Variants in ASF1B observed in about 807,000 individuals in gnomAD.
ASF1B encodes histone chaperone ASF1B.
ASF1B carries 10 observed loss-of-function variants against 16.6 expected under a neutral mutation model. The ratio of observed to expected loss-of-function variants is 0.60; its 90% CI spans 0.37 to 1.02. The LOEUF (loss-of-function observed/expected upper bound fraction) is 1.02. Ranked by LOEUF, ASF1B falls within the 50% of genes least tolerant of loss-of-function variation. ASF1B has a pLI of 0.01. For missense variants in ASF1B, 240 were observed against 266.0 expected (o/e 0.90, Z 0.68); for synonymous variants, 101 against 106.2 (o/e 0.95, Z 0.30).
intron 1 of ASF1B, among the ~76,000 whole-genome samples, chr19:14,130,223 T>C (rs1291866475): frequency 6.6e-6 from 1 of 151,752 alleles, no homozygotes; most frequent in Non-Finnish European, 1.5e-5. Context: ...CACGCCCGGC[T>C]AATTTTTTTT....
At chr19:14,121,991 T>C (rs1350809515) in intron 2 of ASF1B, among the ~76,000 whole-genome samples, 1 of 150,946 alleles carries the variant, frequency 6.6e-6, no homozygotes, top group Non-Finnish European at 1.5e-5. Flanking sequence ...AGTGCAATGG[T>C]GCGATCTCGG....
rs754895590 is a variant in ASF1B, at chr19:14,126,159, C to G, written c.188G>C (p.Gly63Ala). 6.2e-7 allele frequency: 1 copy of G among 1,610,250 alleles called. No individual in the cohort carries two copies. The highest frequency in any genetic ancestry group is 1.1e-5 in the South Asian group (1 of 90,078). Reference protein sequence around the residue: ...FDQILDSVLVGPVPAGRHMFV... With the variant: ...FDQILDSVLVAPVPAGRHMFV... ...CATGTGTCTCCCTGCTGGCACAGGG[C>G]CCACCAGCACCGAGTCTAGGATCTG... is the stretch of plus-strand genomic sequence containing the variant. The change falls in exon 2 of 4, where the codon GGC becomes GCC. Residue 63 changes from glycine to alanine, a missense_variant. Gly to Ala is a moderately conservative substitution (Grantham distance 60). Transcript: ENST00000263382.
At chr19:14,127,878 T>TCC (rs936303179) in intron 1 of ASF1B, among the ~76,000 whole-genome samples, 2 of 152,162 alleles carry the variant, frequency 1.3e-5, no homozygotes, top group Non-Finnish European at 2.9e-5. Context: ...CCTCAGGTCA[T>TCC]CCATCCGCCT....
chr19:14,126,524 T>A (rs565554304), intron 1 of ASF1B, among the ~76,000 whole-genome samples: 191 of 152,140 alleles, frequency 1.3e-3, no homozygotes, highest in Non-Finnish European at 2.0e-3. Context: ...CAGGTTGGAG[T>A]ACAATGGTGT....
rs1967316101 is a variant in ASF1B at position 14,126,231 on chromosome 19, T to C, written c.116A>G (p.Glu39Gly). ...CGAGCCAACATAAATGATCTTCCAC[T>C]CCAGGTCTGCAAAGATATAGGAGGG... ...ECSEALADDLEWKIIYVGSAE... is the reference protein window; with the variant it reads ...ECSEALADDLGWKIIYVGSAE... The change falls in exon 2 of 4, where the codon GAG becomes GGG. Residue 39 changes from glutamate (E) to glycine (G), a missense_variant. Transcript: ENST00000263382. 3 of 1,610,874 alleles carry C rather than the reference T, an allele frequency of 1.9e-6. No homozygotes were observed. The highest frequency in any genetic ancestry group is 2.5e-6 in the Non-Finnish European group (3 of 1,179,078).
chr19:14,130,562 T>C (rs921507570), intron 1 of ASF1B, among the ~76,000 whole-genome samples: 2 of 151,564 alleles, frequency 1.3e-5, no homozygotes, highest in Non-Finnish European at 2.9e-5. Context: ...ACGTGTATGA[T>C]TTCATCTCTA....
At chr19:14,124,432 C>T (rs1353460635) in intron 2 of ASF1B, among the ~76,000 whole-genome samples, 1 of 152,122 alleles carries the variant, frequency 6.6e-6, no homozygotes, top group Non-Finnish European at 1.5e-5. Flanking sequence ...TGGAAGCCAC[C>T]ACACCCGGCC....
At chr19:14,134,350 C>T (rs1405359574) in intron 1 of ASF1B, among the ~76,000 whole-genome samples, 4 of 152,156 alleles carry the variant, frequency 2.6e-5, no homozygotes, top group East Asian at 1.9e-4. Context: ...TAAAAAGGAG[C>T]GAGAGAGACC....
Position 14,121,194 on chromosome 19 carries a change from C to T in ASF1B, c.402+338G>A, listed in dbSNP as rs374107317. 5.3e-5 allele frequency: 22 copies of T among 412,986 alleles called. 1 individual carries two copies. The highest frequency in any genetic ancestry group is 3.1e-4 in the East Asian group (8 of 26,188). The allele number at this position is 412,986 out of a possible 1,614,324, so 25.6% of individuals were successfully genotyped here. A position where few individuals can be genotyped will look rare whatever the true frequency, so the allele number is the denominator to read the frequency against. On this transcript the variant is annotated intron_variant, in intron 3 of 3. Coordinates refer to ENST00000263382, the MANE Select transcript of ASF1B (RefSeq NM_018154.3). ...GGAATGCAGTGGCACGATCTGAGCT[C>T]ACTGCAGCCTCAAACTCCTGGGCTC...
At chr19:14,129,949 G>A (rs1406413055) in intron 1 of ASF1B, among the ~76,000 whole-genome samples, 1 of 151,400 alleles carries the variant, frequency 6.6e-6, no homozygotes, top group Non-Finnish European at 1.5e-5. Flanking sequence ...AGGTTGCAGT[G>A]AACTGAGATC....
At chr19:14,129,737 A>C (rs948167888) in intron 1 of ASF1B, among the ~76,000 whole-genome samples, 25 of 149,690 alleles carry the variant, frequency 1.7e-4, no homozygotes, top group African/African-American at 6.1e-4. Flanking sequence ...AAAGGAAGAA[A>C]AAAAGAGTTA....
chr19:14,121,293 T>G, intron 3 of ASF1B: 1 of 448,484 alleles, frequency 2.2e-6, no homozygotes, highest in Non-Finnish European at 3.9e-6. Flanking sequence ...TTTTTTTTTT[T>G]TTTGCGGGGG....
chr19:14,136,171 G>C (rs1057513729), intron 1 of ASF1B, among the ~76,000 whole-genome samples, 177 bp downstream of exon 1: 1 of 150,092 alleles, frequency 6.7e-6, no homozygotes, highest in African/African-American at 2.5e-5. Flanking sequence ...GTGTTGGCTG[G>C]TGGCGGGGGG....
At chr19:14,123,714 T>C (rs1328983097) in intron 2 of ASF1B, among the ~76,000 whole-genome samples, 2 of 149,724 alleles carry the variant, frequency 1.3e-5, no homozygotes, top group East Asian at 2.0e-4. Flanking sequence ...CCCTCTGTCA[T>C]CCAGACTGGA....
rs1181990017 is a variant in ASF1B, at chr19:14,129,734, GA to G, written c.110-3498del. On this transcript the variant is annotated intron_variant, in intron 1 of 3. Transcript: ENST00000263382. ...AAGAAGAAAGAAGGAAAGAAAGGAA[GA>G]AAAAAAGAGTTATAGGTATAGGGCC... Among the ~76,000 whole-genome samples the G allele has an allele frequency of 4.9e-5, 5 of 101,860 alleles. No individual in the cohort carries two copies. In the Admixed American group the frequency reaches 5.1e-4, roughly 10 times the overall value. 66.8% of individuals were successfully genotyped at this position (101,860 alleles called of 152,430 possible).
At chr19:14,125,774 A>C (rs1359749880) in intron 2 of ASF1B, among the ~76,000 whole-genome samples, 1 of 152,118 alleles carries the variant, frequency 6.6e-6, no homozygotes, top group Non-Finnish European at 1.5e-5. Flanking sequence ...GCTGGTCTCA[A>C]ACTCCTGGCC....
At chr19:14,136,324 G>T (rs746199139) in intron 1 of ASF1B, 24 bp downstream of exon 1, 2 of 1,599,716 alleles carry the variant, frequency 1.3e-6, no homozygotes, top group Non-Finnish European at 1.7e-6. Flanking sequence ...GGGGGTGGGG[G>T]TCCCCGCACA....
intron 1 of ASF1B, among the ~76,000 whole-genome samples, chr19:14,131,198 T>C (rs1481282496): frequency 6.6e-6 from 1 of 151,112 alleles, no homozygotes; most frequent in Admixed American, 6.6e-5. Context: ...TCTTTTTTTT[T>C]TTTTGAAACA....
At position 14,120,550 on chromosome 19, in the gene ASF1B, C is replaced by T; in HGVS notation, c.518G>A (p.Gly173Asp). ...IETQDPSLGC[G>D]LPLNCTPIKG... The stretch of plus-strand genomic sequence containing the variant: ...GATAGGAGTGCAGTTGAGTGGGAGG[C>T]CGCAGCCCAGGGAGGGGTCCTGGGT... The change falls in exon 4 of 4, where the codon GGC becomes GAC. Residue 173 changes from glycine to aspartate, a missense_variant. Transcript: ENST00000263382. The T allele has an allele frequency of 6.2e-7, 1 of 1,613,604 alleles. No homozygotes were observed. The highest frequency in any genetic ancestry group is 8.5e-7 in the Non-Finnish European group (1 of 1,179,704).
Sources: allele counts gnomAD v4.1 joint callset (sites outside exome capture counted in the v4.1 genomes callset), GRCh38; gene constraint gnomAD v4.1.1; transcripts MANE v1.5; gene names NCBI Gene and HGNC (gene_info 2026-07-23, HGNC 2026-07-21).